EPHA5: variants seen among roughly 807,000 people sequenced by gnomAD.
EPHA5 encodes ephrin type-A receptor 5.
In EPHA5, 60 loss-of-function variants were observed where a neutral mutation model predicts 105.0. That is an observed-to-expected ratio of 0.57 (90% CI 0.46 to 0.71). The LOEUF (loss-of-function observed/expected upper bound fraction) is 0.71, where lower values mean the gene tolerates loss of function less well. Among genes scored for constraint, EPHA5 ranks in the 30% least tolerant of loss-of-function variants. The pLI is 0.00. For synonymous variants in EPHA5, 513 were observed against 449.1 expected (o/e 1.14, Z -1.80); for missense variants, 1,218 against 1,274.7 (o/e 0.96, Z 0.68).
chr4:65,631,386 T>C (rs947588820), intron 2 of EPHA5, among the ~76,000 whole-genome samples: 7 of 152,172 alleles, frequency 4.6e-5, no homozygotes, highest in Admixed American at 4.6e-4. Context: ...ATTATCTACA[T>C]GCTTTATTTA....
chr4:65,625,699 C>T (rs1481675002), intron 2 of EPHA5, among the ~76,000 whole-genome samples: 1 of 152,148 alleles, frequency 6.6e-6, no homozygotes, highest in Non-Finnish European at 1.5e-5. Context: ...CAACATAATA[C>T]TAATTGATTC....
At chr4:65,638,779 T>C (rs1472654476) in intron 2 of EPHA5, among the ~76,000 whole-genome samples, 2 of 152,078 alleles carry the variant, frequency 1.3e-5, no homozygotes, top group Non-Finnish European at 2.9e-5. Context: ...CCTGAATGAA[T>C]GGAGCAATAG....
At chr4:65,568,858 G>T (rs1468032936) in intron 3 of EPHA5, among the ~76,000 whole-genome samples, 1 of 150,840 alleles carries the variant, frequency 6.6e-6, no homozygotes, top group Non-Finnish European at 1.5e-5. Context: ...TATTTCTCTA[G>T]TGATCTTTAG....
chr4:65,440,499 TACACACACACACAC>T (rs71657410), intron 5 of EPHA5, among the ~76,000 whole-genome samples: 2 of 143,358 alleles, frequency 1.4e-5, no homozygotes, highest in African/African-American at 2.6e-5. Flanking sequence ...TCCTAAATCT[TACACACACACACAC>T]ACACACACAC....
intron 2 of EPHA5, among the ~76,000 whole-genome samples, chr4:65,625,012 A>G (rs1049774819): frequency 6.6e-6 from 1 of 152,200 alleles, no homozygotes; most frequent in Non-Finnish European, 1.5e-5. Flanking sequence ...AAAAATTGTC[A>G]TTGGCATAGA....
At chr4:65,389,200 C>T (rs996177351) in intron 8 of EPHA5, among the ~76,000 whole-genome samples, 10 of 151,992 alleles carry the variant, frequency 6.6e-5, no homozygotes, top group African/African-American at 2.4e-4. Context: ...CTTAATGTGT[C>T]TATTGCTTAA....
chr4:65,559,105 A>C lies in EPHA5; in HGVS notation c.910+42536T>G, dbSNP rs184977548. ...ATTAAGAAAAGTAAACAATTATCTCACATAAATTTATTTTCTCTCTTTTTA... is the reference window on the plus strand; with the variant it reads ...ATTAAGAAAAGTAAACAATTATCTCCCATAAATTTATTTTCTCTCTTTTTA... On this transcript the variant is annotated intron_variant, in intron 3 of 16. Transcript: ENST00000613740. Among the ~76,000 whole-genome samples, 74 of 152,244 alleles carry C rather than the reference A, an allele frequency of 4.9e-4. No individual in the cohort carries two copies. The East Asian group carries it at 0.011, about 22-fold the overall frequency.
rs75075654 is a variant in EPHA5, at chr4:65,591,612, TA to T, written c.910+10028del. On this transcript the variant is annotated intron_variant, in intron 3 of 16. Coordinates refer to ENST00000613740, the MANE Select transcript of EPHA5 (RefSeq NM_001281766.3). ...ACATTAATTTTAATTTTATTTTTTT[TA>T]AAAAAAAAGCTTCAGAGATTGTGAT... Among the ~76,000 whole-genome samples, 12 of 140,006 alleles carry T rather than the reference TA, an allele frequency of 8.6e-5. No individual in the cohort carries two copies. In the East Asian group the frequency reaches 1.0e-3, roughly 12 times the overall value. The allele number at this position is 140,006 out of a possible 152,430, so 91.8% of individuals were successfully genotyped here.
intron 3 of EPHA5, among the ~76,000 whole-genome samples, chr4:65,547,010 C>A (rs1356903553): frequency 6.6e-6 from 1 of 152,022 alleles, no homozygotes; most frequent in Non-Finnish European, 1.5e-5. Context: ...AGCAAAAATT[C>A]TGTGATGGAA....
chr4:65,560,390 A>G (rs571603710), intron 3 of EPHA5, among the ~76,000 whole-genome samples: 3 of 152,164 alleles, frequency 2.0e-5, no homozygotes, highest in African/African-American at 4.8e-5. Context: ...CCGTATCACA[A>G]CTTAATTTTT....
intron 3 of EPHA5, among the ~76,000 whole-genome samples, chr4:65,532,391 T>A (rs2149304783): frequency 6.6e-6 from 1 of 152,022 alleles, no homozygotes; most frequent in Non-Finnish European, 1.5e-5. Context: ...AATATTATAA[T>A]CTCTAGTTCA....
chr4:65,564,545 G>A (rs1472037564), intron 3 of EPHA5, among the ~76,000 whole-genome samples: 2 of 151,664 alleles, frequency 1.3e-5, no homozygotes, highest in East Asian at 3.9e-4. Context: ...ATAAGCATAT[G>A]TGCGTGTTAA....
intron 3 of EPHA5, among the ~76,000 whole-genome samples, chr4:65,561,318 C>T (rs1414214386): frequency 1.3e-5 from 2 of 152,044 alleles, no homozygotes; most frequent in African/African-American, 4.8e-5. Context: ...ATGCCAATCA[C>T]TTTATTACGC....
At chr4:65,409,279 A>G (rs1310977432) in intron 7 of EPHA5, among the ~76,000 whole-genome samples, 1 of 130,584 alleles carries the variant, frequency 7.7e-6, no homozygotes, top group Non-Finnish European at 1.6e-5. Context: ...AGCATGGCAC[A>G]TGTATACATA....
At chr4:65,324,747 T>A (rs953151122) in intron 16 of EPHA5, among the ~76,000 whole-genome samples, 3 of 149,430 alleles carry the variant, frequency 2.0e-5, no homozygotes, top group African/African-American at 7.4e-5. Context: ...TTTTACTTTT[T>A]TTTTTTTTTT....
chr4:65,584,499 T>C (rs939357524), intron 3 of EPHA5, among the ~76,000 whole-genome samples: 6 of 151,930 alleles, frequency 3.9e-5, no homozygotes, highest in African/African-American at 1.2e-4. Flanking sequence ...TACTCAAATG[T>C]GACAAAGCAT....
At chr4:65,595,783 T>C (rs182360902) in intron 3 of EPHA5, among the ~76,000 whole-genome samples, 6 of 152,154 alleles carry the variant, frequency 3.9e-5, no homozygotes, top group African/African-American at 7.2e-5. Context: ...GGTTTCACCA[T>C]GTTAGCCAGG....
At chr4:65,637,559 A>G (rs1266893632) in intron 2 of EPHA5, among the ~76,000 whole-genome samples, 4 of 99,336 alleles carry the variant, frequency 4.0e-5, no homozygotes, top group Non-Finnish European at 6.4e-5. Context: ...ATACACAAAT[A>G]TGAGTTTTGC....
chr4:65,415,062 A>G (rs1723263115), intron 6 of EPHA5, among the ~76,000 whole-genome samples: 1 of 152,206 alleles, frequency 6.6e-6, no homozygotes, highest in African/African-American at 2.4e-5. Flanking sequence ...GGCTAAGTTA[A>G]TGGAGATGTA....
Sources: gnomAD v4.1 joint callset for allele counts (sites outside exome capture counted in the v4.1 genomes callset) on GRCh38, gnomAD v4.1.1 for gene constraint, MANE v1.5 for transcripts, NCBI Gene and HGNC (gene_info 2026-07-23, HGNC 2026-07-21) for gene names.